The following MTCL1 variants were observed in gnomAD, a reference collection of about 807,000 sequenced individuals.
MTCL1 encodes microtubule crosslinking factor 1.
Under a neutral mutation model 141.4 loss-of-function variants are expected in MTCL1, and 79 were observed. The observed-to-expected ratio is 0.56, with a 90% CI of 0.47 to 0.67. MTCL1 has a LOEUF of 0.67. Among genes scored for constraint, MTCL1 ranks in the 30% least tolerant of loss-of-function variants. The probability of loss-of-function intolerance (pLI) is 0.00; values close to 1 mark genes in which losing one functional copy is unlikely to be tolerated. For missense variants in MTCL1, 2,177 were observed against 2,113.9 expected, an observed-to-expected ratio of 1.03 and a Z score of -0.59; for synonymous variants, 914 against 875.8, an observed-to-expected ratio of 1.04 and a Z score of -0.77.
rs763148665 is a variant in MTCL1 at position 8,784,601 on chromosome 18, G to T, written c.1489G>T (p.Gly497Cys). ...GCCCTTACCGGGGCCTGGCCTCCAG[G>T]GCGAAGAGGAGCAGGGTGAGGGGGA... The change falls in exon 6 of 17, where the codon GGC (glycine) becomes TGC (cysteine). Residue 497 changes from glycine to cysteine, a missense_variant. Coordinates refer to ENST00000359865, the Ensembl canonical transcript of MTCL1. The T allele has an allele frequency of 3.1e-6, 5 of 1,612,452 alleles. No individual in the cohort carries two copies. The highest frequency in any genetic ancestry group is 3.4e-6 in the Non-Finnish European group (4 of 1,179,192).
chr18:8,740,316 A>G (rs1465001253), intron 4 of MTCL1, among the ~76,000 whole-genome samples: 1 of 152,146 alleles, frequency 6.6e-6, no homozygotes, highest in Non-Finnish European at 1.5e-5. Context: ...AGAAGCAGGA[A>G]CCCTCTGAAG....
At chr18:8,801,444 C>G (rs1338927616) in intron 10 of MTCL1, among the ~76,000 whole-genome samples, 1 of 152,074 alleles carries the variant, frequency 6.6e-6, no homozygotes, top group Non-Finnish European at 1.5e-5. Context: ...AGGCGTGCTA[C>G]TCTTTCTGTA....
chr18:8,784,263 A>G (rs776387428), exon 6 of MTCL1: 2 of 1,602,304 alleles, frequency 1.2e-6, no homozygotes, highest in South Asian at 2.2e-5. Context: ...AGTCCCCGGG[A>G]CAGCGATGCC....
At chr18:8,825,074 G>A (rs199663245) in exon 15 of MTCL1, 28 of 1,611,784 alleles carry the variant, frequency 1.7e-5, no homozygotes, top group Admixed American at 1.0e-4. Context: ...CCGAGCAGTC[G>A]GGGTTGCGCG....
At chr18:8,799,250 G>C (rs1274316808) in intron 10 of MTCL1, among the ~76,000 whole-genome samples, 1 of 152,232 alleles carries the variant, frequency 6.6e-6, no homozygotes, top group Non-Finnish European at 1.5e-5. Context: ...TCTAATGGGA[G>C]CACGCTGTCG....
At chr18:8,776,726 T>G (rs9967384) in intron 4 of MTCL1, among the ~76,000 whole-genome samples, 766 of 3,588 alleles carry the variant, frequency 0.21, 8 homozygotes, top group African/African-American at 0.45. Context: ...ACACTAGTTA[T>G]TTATTTATTT....
chr18:8,765,154 C>A (rs963411212), intron 4 of MTCL1, among the ~76,000 whole-genome samples: 7 of 152,190 alleles, frequency 4.6e-5, no homozygotes, highest in Non-Finnish European at 8.8e-5. Context: ...CCAAGTGGCT[C>A]CTTCTCTGAA....
intron 12 of MTCL1, among the ~76,000 whole-genome samples, 170 bp downstream of exon 11, chr18:8,813,403 T>A (rs981612791): frequency 2.6e-5 from 4 of 151,046 alleles, no homozygotes; most frequent in South Asian, 2.1e-4. Context: ...AGACCAAGGC[T>A]CATGCCTCTC....
intron 4 of MTCL1, among the ~76,000 whole-genome samples, chr18:8,768,209 C>G (rs2096468234): frequency 6.6e-6 from 1 of 152,228 alleles, no homozygotes; most frequent in South Asian, 2.1e-4. Flanking sequence ...ACATGTCTGT[C>G]TACCCATCTT....
At position 8,822,992 on chromosome 18, in the gene MTCL1, A is replaced by G. The variant is rs574006705; in HGVS notation, c.3188+1494A>G. ...TGAACCGAGATTGCGCCACTGCACT[A>G]CATCCTGGGCGACAGAGTAAGACTC... On this transcript the variant is annotated intron_variant, in intron 14 of 16. Transcript: ENST00000359865. The surrounding 1 kb of genome is among the most constrained non-coding windows in gnomAD (Gnocchi z 4.6). 6.6e-6 allele frequency among the ~76,000 whole-genome samples: 1 copy of G among 151,744 alleles called. No homozygotes were observed. The highest frequency in any genetic ancestry group is 1.5e-5 in the Non-Finnish European group (1 of 67,894).
At chr18:8,731,586 T>A (rs1265798339) in intron 4 of MTCL1, among the ~76,000 whole-genome samples, 2 of 152,174 alleles carry the variant, frequency 1.3e-5, no homozygotes, top group East Asian at 3.9e-4. Context: ...AGAAAAAAAA[T>A]AATAATTAAA....
chr18:8,775,408 T>TAAAAAAAAAAAAA (rs780102071), intron 4 of MTCL1, among the ~76,000 whole-genome samples: 48 of 92,962 alleles, frequency 5.2e-4, no homozygotes, highest in East Asian at 3.4e-3. Flanking sequence ...TCGTCTCTAC[T>TAAAAAAAAAAAAA]AAAAAAAAAA....
chr18:8,766,141 A>G (rs1042291218), intron 4 of MTCL1, among the ~76,000 whole-genome samples: 2 of 152,220 alleles, frequency 1.3e-5, no homozygotes, highest in Non-Finnish European at 2.9e-5. Flanking sequence ...AGAAGACAAA[A>G]CATGAGATTG....
chr18:8,760,323 A>T (rs1291037239), intron 4 of MTCL1, among the ~76,000 whole-genome samples: 1 of 152,228 alleles, frequency 6.6e-6, no homozygotes, highest in African/African-American at 2.4e-5. Flanking sequence ...CACACAGGAA[A>T]TGAGAACAAG....
intron 4 of MTCL1, among the ~76,000 whole-genome samples, chr18:8,744,311 C>G (rs2096323088): frequency 6.6e-6 from 1 of 152,256 alleles, no homozygotes; most frequent in Non-Finnish European, 1.5e-5. Flanking sequence ...CCTCCAGTGA[C>G]ATGAGTAATA....
rs1452760080 is a variant in MTCL1, at chr18:8,809,174, T to G, written c.2604+2114T>G. Among the ~76,000 whole-genome samples, 4 of 152,218 alleles carry G rather than the reference T, an allele frequency of 2.6e-5. No homozygotes were observed. In the East Asian group the frequency reaches 5.8e-4, roughly 22 times the overall value. On this transcript the variant is annotated intron_variant, in intron 11 of 16. Coordinates refer to ENST00000359865, the Ensembl canonical transcript of MTCL1. The stretch of plus-strand genomic sequence containing the variant: ...GTTTAGATTCCCTTTTTCAAAAGAT[T>G]ATTCTGGCTTCAAGATAGAGAATGG...
chr18:8,784,755 A>G (rs1431454740), exon 6 of MTCL1: 6 of 1,614,038 alleles, frequency 3.7e-6, no homozygotes, highest in South Asian at 1.1e-5. Flanking sequence ...CACCTCACAG[A>G]GTCCTCTAGC....
At chr18:8,734,669 C>T (rs879568732) in intron 4 of MTCL1, among the ~76,000 whole-genome samples, 1 of 152,124 alleles carries the variant, frequency 6.6e-6, no homozygotes, top group Non-Finnish European at 1.5e-5. Context: ...TTTCTTGTGC[C>T]GTCACTTTTA....
At chr18:8,729,917 A>G (rs1020013237) in intron 4 of MTCL1, among the ~76,000 whole-genome samples, 1 of 151,858 alleles carries the variant, frequency 6.6e-6, no homozygotes, top group Non-Finnish European at 1.5e-5. Context: ...TTTTTTGGAA[A>G]GTTTTATTGT....
Sources: gnomAD v4.1 joint callset for allele counts (sites outside exome capture counted in the v4.1 genomes callset) on GRCh38, gnomAD v4.1.1 for gene constraint, Gnocchi (gnomAD v3.1) non-coding constraint, MANE v1.5 for transcripts, NCBI Gene and HGNC (gene_info 2026-07-23, HGNC 2026-07-21) for gene names.